The following WDSUB1 variants were observed in gnomAD, a reference collection of about 807,000 sequenced individuals.
The protein encoded by WDSUB1 is WD repeat, sterile alpha motif and U-box domain containing 1.
In WDSUB1, 49 loss-of-function variants were observed where a neutral mutation model predicts 53.9. That is an observed-to-expected ratio of 0.91 (90% CI 0.72 to 1.15). The LOEUF (loss-of-function observed/expected upper bound fraction) is 1.15. Ranked by LOEUF, WDSUB1 falls within the 50% of genes most tolerant of loss-of-function variation. WDSUB1 has a pLI of 0.00. For missense variants in WDSUB1, 514 were observed against 562.0 expected (o/e 0.91, Z 0.86); for synonymous variants, 194 against 200.6 (o/e 0.97, Z 0.28).
At chr2:159,285,958 TC>T (rs1338998019) in intron 1 of WDSUB1, among the ~76,000 whole-genome samples, 1 of 152,034 alleles carries the variant, frequency 6.6e-6, no homozygotes, top group East Asian at 1.9e-4. Context: ...AAACTCCGGC[TC>T]CCAGCCCTCT....
chr2:159,237,551 A>C (rs1175454019), intron 10 of WDSUB1, among the ~76,000 whole-genome samples: 1 of 152,130 alleles, frequency 6.6e-6, no homozygotes, highest in Non-Finnish European at 1.5e-5. Flanking sequence ...CTATAAAACA[A>C]GGTACCTTCA....
At chr2:159,257,131 A>G (rs2061081283) in intron 8 of WDSUB1, among the ~76,000 whole-genome samples, 2 of 152,078 alleles carry the variant, frequency 1.3e-5, no homozygotes, top group South Asian at 4.2e-4. Flanking sequence ...CATCCCAAGT[A>G]GCTGGGGCCA....
At chr2:159,250,699 G>A (rs1170819075) in intron 9 of WDSUB1, among the ~76,000 whole-genome samples, 1 of 152,194 alleles carries the variant, frequency 6.6e-6, no homozygotes, top group Non-Finnish European at 1.5e-5. Flanking sequence ...GATGGATCAT[G>A]TATTCTAAGC....
chr2:159,286,122 G>C (rs1019221201), intron 1 of WDSUB1, among the ~76,000 whole-genome samples: 22 of 152,022 alleles, frequency 1.4e-4, no homozygotes, highest in African/African-American at 4.4e-4. Flanking sequence ...CTCGGGCCTC[G>C]GCTGTCACGC....
In WDSUB1 at chr2:159,236,177, A is replaced by C; in HGVS notation, c.1287T>G (p.Tyr429Ter). The change falls in exon 11 of 11, where the codon TAT (tyrosine) becomes TAG (stop). Residue 429 changes from tyrosine (Y) to a stop codon, truncating the protein, a stop_gained. Coordinates refer to ENST00000359774, the MANE Select transcript of WDSUB1 (RefSeq NM_001128212.3). LOFTEE classifies it high-confidence loss of function. ...DPVIASDGYS[Y>*]EKEAMENWIS... is the part of the protein sequence containing the mutation. ...TCCAATTTTCCATTGCTTCCTTTTC[A>C]TATGAATAGCCATCTAAAAAAAAAA... 2 of 1,606,164 alleles carry C rather than the reference A, an allele frequency of 1.2e-6. No homozygotes were observed.
intron 10 of WDSUB1, 132 bp downstream of exon 10, chr2:159,248,240 C>T (rs956342570): frequency 5.9e-6 from 6 of 1,009,092 alleles, no homozygotes; most frequent in Non-Finnish European, 8.5e-6. Context: ...ATTTGTTCAC[C>T]CAAGGTTTAA....
intron 8 of WDSUB1, among the ~76,000 whole-genome samples, chr2:159,256,584 G>A (rs2061067819): frequency 6.8e-6 from 1 of 146,548 alleles, no homozygotes; most frequent in Admixed American, 6.8e-5. Context: ...AAGTAACATA[G>A]GGAGACCAGT....
chr2:159,261,882 ATATATATATATATATTTTTTTTTT>A (rs2061219048), intron 5 of WDSUB1, among the ~76,000 whole-genome samples: 4 of 19,862 alleles, frequency 2.0e-4, no homozygotes, highest in African/African-American at 1.2e-3. Context: ...ATATATATAT[ATATATATATATATATTTTTTTTTT>A]TTTTTTTTTT....
intron 9 of WDSUB1, among the ~76,000 whole-genome samples, chr2:159,254,596 T>C (rs2061021258): frequency 6.6e-6 from 1 of 152,096 alleles, no homozygotes; most frequent in African/African-American, 2.4e-5. Context: ...TACCTAGTTA[T>C]AAAAATAGAA....
At chr2:159,243,203 G>T (rs80123781) in intron 10 of WDSUB1, among the ~76,000 whole-genome samples, 1 of 147,476 alleles carries the variant, frequency 6.8e-6, no homozygotes, top group Non-Finnish European at 1.5e-5. Flanking sequence ...CAGGGATTAC[G>T]CTAAGAAAAA....
intron 5 of WDSUB1, among the ~76,000 whole-genome samples, chr2:159,267,669 TATATTC>T (rs1321418672): frequency 2.6e-5 from 4 of 152,184 alleles, no homozygotes; most frequent in Non-Finnish European, 5.9e-5. Flanking sequence ...TCTAGCCACT[TATATTC>T]ATATACAGCC....
chr2:159,278,660 C>G (rs930355299), intron 3 of WDSUB1, among the ~76,000 whole-genome samples: 10 of 152,150 alleles, frequency 6.6e-5, no homozygotes, highest in African/African-American at 2.2e-4. Flanking sequence ...AGGGTCTGCA[C>G]GTAAAACCCT....
intron 9 of WDSUB1, among the ~76,000 whole-genome samples, chr2:159,255,148 A>G (rs1324224206): frequency 6.6e-6 from 1 of 151,340 alleles, no homozygotes; most frequent in Non-Finnish European, 1.5e-5. Context: ...CCACCCTGCC[A>G]CCCCCACACA....
At chr2:159,256,694 A>G (rs1033003815) in intron 8 of WDSUB1, among the ~76,000 whole-genome samples, 1 of 152,184 alleles carries the variant, frequency 6.6e-6, no homozygotes, top group East Asian at 1.9e-4. Flanking sequence ...TAAAATTCAT[A>G]CCAGCAAAGG....
chr2:159,251,347 A>C (rs957241951), intron 9 of WDSUB1, among the ~76,000 whole-genome samples: 2 of 152,170 alleles, frequency 1.3e-5, no homozygotes, highest in African/African-American at 2.4e-5. Flanking sequence ...AAAATATTCT[A>C]CATGTGTGCT....
Position 159,235,907 on chromosome 2 carries a change from A to T in WDSUB1, c.*126T>A. The T allele has an allele frequency of 1.0e-6, 1 of 955,436 alleles. No homozygotes were observed. Among genetic ancestry groups the T allele is most frequent in the Non-Finnish European group, 1.4e-6 (1 of 704,106 alleles). The allele number at this position is 955,436 out of a possible 1,614,324, so 59.2% of individuals were successfully genotyped here. On this transcript the variant is annotated 3_prime_UTR_variant, in exon 11 of 11. Transcript: ENST00000359774. Reference sequence around the variant, plus strand: ...TAAAGAATGAAAATTGACAATTTTTATAGGTAACTAAATTTAAGAAGTTTA... The same window carrying T: ...TAAAGAATGAAAATTGACAATTTTTTTAGGTAACTAAATTTAAGAAGTTTA...
At chr2:159,238,667 G>T (rs2060554134) in intron 10 of WDSUB1, among the ~76,000 whole-genome samples, 1 of 152,080 alleles carries the variant, frequency 6.6e-6, no homozygotes, top group South Asian at 2.1e-4. Context: ...CTTTTCCATT[G>T]TTCTATTCCT....
At position 159,282,838 on chromosome 2, in the gene WDSUB1, T is replaced by C; in HGVS notation, c.232A>G (p.Thr78Ala). The change falls in exon 2 of 11, where the codon ACT becomes GCT. Residue 78 changes from threonine to alanine, a missense_variant. Coordinates refer to ENST00000359774, the MANE Select transcript of WDSUB1 (RefSeq NM_001128212.3). ...ILASCSTDGT[T>A]VLWNTENGQM... Reference sequence around the variant, plus strand: ...CCATTTTCAGTATTCCATAGGACAGTGGTACCATCTGTTGAACACGATGCC... The same window carrying C: ...CCATTTTCAGTATTCCATAGGACAGCGGTACCATCTGTTGAACACGATGCC... The C allele has an allele frequency of 6.2e-7, 1 of 1,614,172 alleles. No individual in the cohort carries two copies. The highest frequency in any genetic ancestry group is 8.5e-7 in the Non-Finnish European group (1 of 1,180,038).
At chr2:159,246,719 C>G (rs1269043795) in intron 10 of WDSUB1, among the ~76,000 whole-genome samples, 1 of 152,018 alleles carries the variant, frequency 6.6e-6, no homozygotes, top group African/African-American at 2.4e-5. Context: ...GTCATAATAG[C>G]CACAAAATAG....
Sources: gnomAD v4.1 joint callset for allele counts (sites outside exome capture counted in the v4.1 genomes callset) on GRCh38, gnomAD v4.1.1 for gene constraint, MANE v1.5 for transcripts, NCBI Gene and HGNC (gene_info 2026-07-23, HGNC 2026-07-21) for gene names.